Variants in TAFA4 observed in about 807,000 individuals in gnomAD.
TAFA4 encodes the protein TAFA chemokine like family member 4.
A neutral mutation model predicts 21.1 loss-of-function variants in TAFA4; 20 were observed. The observed-to-expected ratio is 0.95, with a 90% CI of 0.67 to 1.38. The LOEUF (loss-of-function observed/expected upper bound fraction) is 1.38. Ranked by LOEUF, TAFA4 falls within the 40% of genes most tolerant of loss-of-function variation. The pLI is 0.00. For missense variants in TAFA4, 211 were observed against 180.9 expected, an observed-to-expected ratio of 1.17 and a Z score of -0.95; for synonymous variants, 71 against 67.4, an observed-to-expected ratio of 1.05 and a Z score of -0.26.
chr3:68,812,545 C>T (rs1053704953), intron 3 of TAFA4, among the ~76,000 whole-genome samples: 1 of 152,092 alleles, frequency 6.6e-6, no homozygotes, highest in Non-Finnish European at 1.5e-5. Context: ...ATAAAACAGA[C>T]TTTAAACCAA....
intron 1 of TAFA4, among the ~76,000 whole-genome samples, chr3:68,901,868 G>A (rs1056797584): frequency 2.0e-5 from 3 of 152,112 alleles, no homozygotes; most frequent in Admixed American, 6.6e-5. Context: ...CCTTTCAGTG[G>A]GCAAATCATT....
At chr3:68,889,779 A>G (rs2089712619) in intron 1 of TAFA4, among the ~76,000 whole-genome samples, 1 of 152,224 alleles carries the variant, frequency 6.6e-6, no homozygotes, top group Non-Finnish European at 1.5e-5. Context: ...GTCATGAAAG[A>G]CAAAAAAAAT....
Position 68,920,620 on chromosome 3 carries a change from G to T in TAFA4, c.-123+11620C>A, listed in dbSNP as rs560262970. ...ATGGGTTGTAGAGAGAGTTAGAAGT[G>T]ATTTTTACTTTTTCTCTAATTTTTT... is the stretch of plus-strand genomic sequence containing the variant. On this transcript the variant is annotated intron_variant, in intron 1 of 5. Transcript: ENST00000295569. Among the ~76,000 whole-genome samples, 218 of 148,278 alleles carry T rather than the reference G, an allele frequency of 1.5e-3. 1 individual carries two copies. Among genetic ancestry groups the T allele is most frequent in the African/African-American group, 5.3e-3 (214 of 40,148 alleles).
chr3:68,861,035 C>A (rs970007760), intron 3 of TAFA4, among the ~76,000 whole-genome samples: 1 of 130,358 alleles, frequency 7.7e-6, no homozygotes, highest in Non-Finnish European at 1.6e-5. Context: ...TATGCACCCC[C>A]CCCCCGCCCC....
At chr3:68,829,926 G>T (rs1052328351) in intron 3 of TAFA4, among the ~76,000 whole-genome samples, 108 of 152,280 alleles carry the variant, frequency 7.1e-4, no homozygotes, top group African/African-American at 2.6e-3. Flanking sequence ...GAGGGTGTAT[G>T]TGTCGAGGAA....
rs1431224851 is a variant in TAFA4 at position 68,873,718 on chromosome 3, C to T, written c.130+7012G>A. On this transcript the variant is annotated intron_variant, in intron 3 of 5. Coordinates refer to ENST00000295569, the MANE Select transcript of TAFA4 (RefSeq NM_182522.5). Reference sequence around the variant, plus strand: ...GCCTTTGAAAGTGCCACTTGAAAGACAAGCCTCCCACTATTTCTTGCAAAT... The same window carrying T: ...GCCTTTGAAAGTGCCACTTGAAAGATAAGCCTCCCACTATTTCTTGCAAAT... Among the ~76,000 whole-genome samples, 3 of 152,174 alleles carry T rather than the reference C, an allele frequency of 2.0e-5. No homozygotes were observed. In the East Asian group the frequency reaches 5.8e-4, roughly 29 times the overall value.
chr3:68,858,446 A>G (rs568154304), intron 3 of TAFA4, among the ~76,000 whole-genome samples: 2 of 152,164 alleles, frequency 1.3e-5, no homozygotes, highest in African/African-American at 4.8e-5. Context: ...GCTTTTCCCA[A>G]TTGATGGGAA....
intron 1 of TAFA4, among the ~76,000 whole-genome samples, chr3:68,893,874 A>C (rs1194890188): frequency 6.6e-6 from 1 of 152,196 alleles, no homozygotes; most frequent in Non-Finnish European, 1.5e-5. Context: ...CTATGCTAAC[A>C]TTTTTAACTG....
rs573349498 is a variant in TAFA4, at chr3:68,744,662, G to A, written c.287-5463C>T. On this transcript the variant is annotated intron_variant, in intron 4 of 5. Coordinates refer to ENST00000295569, the MANE Select transcript of TAFA4 (RefSeq NM_182522.5). ...AAACCTAGAAAAGGAGCTGGAGGGG[G>A]AAATAAAAATGACGGATCCGGATGT... 5.9e-5 allele frequency among the ~76,000 whole-genome samples: 9 copies of A among 152,146 alleles called. No homozygotes were observed. The South Asian group carries it at 1.5e-3, about 25-fold the overall frequency.
At chr3:68,818,995 G>A (rs950877798) in intron 3 of TAFA4, among the ~76,000 whole-genome samples, 53 of 152,182 alleles carry the variant, frequency 3.5e-4, no homozygotes, top group Non-Finnish European at 6.3e-4. Context: ...TTTAGGCTGG[G>A]TGTGGTGGCT....
At chr3:68,858,264 C>T (rs1173104066) in intron 3 of TAFA4, among the ~76,000 whole-genome samples, 1 of 152,114 alleles carries the variant, frequency 6.6e-6, no homozygotes, top group Non-Finnish European at 1.5e-5. Flanking sequence ...TTTCTACATG[C>T]ACCATCCCCT....
At chr3:68,794,236 TG>T (rs1350960201) in intron 3 of TAFA4, among the ~76,000 whole-genome samples, 2 of 152,190 alleles carry the variant, frequency 1.3e-5, no homozygotes, top group African/African-American at 4.8e-5. Context: ...CCAATTAATT[TG>T]TGTCACTTTT....
intron 3 of TAFA4, among the ~76,000 whole-genome samples, chr3:68,871,533 A>G (rs945157069): frequency 3.3e-5 from 5 of 152,180 alleles, no homozygotes; most frequent in Admixed American, 2.6e-4. Context: ...AAATTTTTTT[A>G]GTAAGACTTT....
Position 68,733,074 on chromosome 3 carries a change from T to C in TAFA4, c.*68A>G. 6.2e-7 allele frequency: 1 copy of C among 1,605,522 alleles called. No individual in the cohort carries two copies. The highest frequency in any genetic ancestry group is 8.5e-7 in the Non-Finnish European group (1 of 1,175,196). On this transcript the variant is annotated 3_prime_UTR_variant, in exon 6 of 6. Coordinates refer to ENST00000295569, the MANE Select transcript of TAFA4 (RefSeq NM_182522.5). ...ACAATTTTCTGCAAAGGGGCCATGA[T>C]GGGAATCCAAGCAAAAGAGCTCCGC...
At chr3:68,852,380 G>A (rs1704970669) in intron 3 of TAFA4, among the ~76,000 whole-genome samples, 2 of 152,278 alleles carry the variant, frequency 1.3e-5, no homozygotes, top group African/African-American at 4.8e-5. Flanking sequence ...GCCAAGTGGG[G>A]CCTATTCCTG....
chr3:68,784,160 C>G (rs992954622), intron 3 of TAFA4, among the ~76,000 whole-genome samples: 1 of 152,204 alleles, frequency 6.6e-6, no homozygotes, highest in Non-Finnish European at 1.5e-5. Context: ...TAAAATAATT[C>G]TGACTAGCAA....
chr3:68,744,740 T>G (rs992380297), intron 4 of TAFA4, among the ~76,000 whole-genome samples: 4 of 152,144 alleles, frequency 2.6e-5, no homozygotes, highest in African/African-American at 9.7e-5. Context: ...AATCAGCATT[T>G]ACCTAGTGTT....
chr3:68,773,309 T>C (rs757202545), intron 3 of TAFA4, among the ~76,000 whole-genome samples: 1 of 152,172 alleles, frequency 6.6e-6, no homozygotes, highest in Non-Finnish European at 1.5e-5. Flanking sequence ...AAGATACACA[T>C]CAGGCAAGGT....
intron 2 of TAFA4, among the ~76,000 whole-genome samples, chr3:68,884,508 G>A (rs1181528177): frequency 6.6e-6 from 1 of 152,192 alleles, no homozygotes; most frequent in East Asian, 1.9e-4. Context: ...GGATGGCAGT[G>A]GCTTCCTGTG....
Sources: allele counts gnomAD v4.1 joint callset (sites outside exome capture counted in the v4.1 genomes callset), GRCh38; gene constraint gnomAD v4.1.1; transcripts MANE v1.5; gene names NCBI Gene and HGNC (gene_info 2026-07-23, HGNC 2026-07-21).